GPAT4: variants seen among roughly 807,000 people sequenced by gnomAD.
The protein encoded by GPAT4 is glycerol-3-phosphate acyltransferase 4.
Under a neutral mutation model 58.0 loss-of-function variants are expected in GPAT4, and 17 were observed. The observed-to-expected ratio is 0.29, with a 90% confidence interval of 0.20 to 0.44. GPAT4 has a LOEUF of 0.44. Ranked by LOEUF, GPAT4 falls within the 20% of genes least tolerant of loss-of-function variation. The probability of loss-of-function intolerance (pLI) is 1.00; values close to 1 mark genes in which losing one functional copy is unlikely to be tolerated. For synonymous variants in GPAT4, 204 were observed against 210.1 expected (o/e 0.97, Z 0.25); for missense variants, 377 against 574.5 (o/e 0.66, Z 3.51).
rs201982831 is a variant in GPAT4 at position 41,599,165 on chromosome 8, G to A, written c.26G>A (p.Ser9Asn). ...ATGTTCCTGTTGCTGCCTTTTGATA[G>A]CCTGATTGTCAACCTTCTGGGCATC... MFLLLPFD[S>N]LIVNLLGISL... Residue 9 changes from serine to asparagine, a missense_variant, in exon 2 of 13, where the codon AGC becomes AAC. Physicochemically the swap from Ser to Asn is conservative, Grantham distance 46 (BLOSUM62 1). Coordinates refer to ENST00000396987, the MANE Select transcript of GPAT4 (RefSeq NM_178819.4). 508 of 1,612,436 alleles carry A rather than the reference G, an allele frequency of 3.2e-4. 3 individuals are homozygous for A. In the Admixed American group the frequency reaches 7.3e-3, roughly 23 times the overall value.
At chr8:41,616,001 C>CA (rs1803585528) in intron 10 of GPAT4, among the ~76,000 whole-genome samples, 1 of 152,076 alleles carries the variant, frequency 6.6e-6, no homozygotes, top group Non-Finnish European at 1.5e-5. Context: ...GCAGGGGACT[C>CA]TGATTGACAG....
At chr8:41,606,683 C>T (rs925183073) in intron 2 of GPAT4, among the ~76,000 whole-genome samples, 7 of 152,136 alleles carry the variant, frequency 4.6e-5, no homozygotes, top group African/African-American at 1.7e-4. Context: ...ACAGTGGGGG[C>T]TCCGAGCATG....
intron 1 of GPAT4, among the ~76,000 whole-genome samples, chr8:41,595,166 T>C (rs1802895660): frequency 6.6e-6 from 1 of 150,770 alleles, no homozygotes. Flanking sequence ...GTTTTTTTTT[T>C]TTTTTTTTTA....
intron 2 of GPAT4, among the ~76,000 whole-genome samples, chr8:41,606,587 AT>A (rs1251348928): frequency 6.6e-6 from 1 of 152,214 alleles, no homozygotes; most frequent in East Asian, 1.9e-4. Context: ...AGACGTACAA[AT>A]TTATTAATGT....
At chr8:41,603,743 G>A (rs984606594) in intron 2 of GPAT4, among the ~76,000 whole-genome samples, 1 of 152,028 alleles carries the variant, frequency 6.6e-6, no homozygotes, top group African/African-American at 2.4e-5. Flanking sequence ...CGTCTCTCAG[G>A]CCGCTTGCCC....
intron 2 of GPAT4, among the ~76,000 whole-genome samples, chr8:41,607,356 T>C (rs1049120154): frequency 9.5e-4 from 144 of 152,282 alleles, no homozygotes; most frequent in African/African-American, 3.3e-3. Context: ...AACTAGGAGA[T>C]GTAGAATCTC....
At chr8:41,616,803 G>A (rs1209479238) in intron 10 of GPAT4, among the ~76,000 whole-genome samples, 2 of 152,202 alleles carry the variant, frequency 1.3e-5, no homozygotes, top group African/African-American at 4.8e-5. Context: ...GTATGGCTAA[G>A]AACATCTGGT....
rs2150509585 is a variant in GPAT4 at position 41,621,086 on chromosome 8, T to G, written c.*85T>G. ...TGCCGCCGCCGCCCCCACTGCTGTG[T>G]CCTTTCCAGACTCCAGGGCTCCCCG... On this transcript the variant is annotated 3_prime_UTR_variant, in exon 13 of 13. Transcript: ENST00000396987. 1 of 1,522,362 alleles carries G rather than the reference T, an allele frequency of 6.6e-7. No homozygotes were observed. Among genetic ancestry groups the G allele is most frequent in the Non-Finnish European group, 8.9e-7 (1 of 1,128,938 alleles). 94.3% of individuals were successfully genotyped at this position (1,522,362 alleles called of 1,614,324 possible).
intron 1 of GPAT4, among the ~76,000 whole-genome samples, chr8:41,582,040 C>A: frequency 1.0e-5 from 1 of 98,420 alleles, no homozygotes; most frequent in Non-Finnish European, 1.9e-5. Flanking sequence ...ACTGAGTCTT[C>A]CTCTGTCGCC....
rs374092780 is a variant in GPAT4 at position 41,599,312 on chromosome 8, A to T, written c.165+8A>T. On this transcript the variant is annotated splice_region_variant and intron_variant, in intron 2 of 12. Transcript: ENST00000396987. ...CTGTTAAAAATCTTTGCGGTAAGTTATGCTGTTACAAAAGGTTGCTTCACA... is the reference window on the plus strand; with the variant it reads ...CTGTTAAAAATCTTTGCGGTAAGTTTTGCTGTTACAAAAGGTTGCTTCACA... 28 of 1,613,668 alleles carry T rather than the reference A, an allele frequency of 1.7e-5. No individual in the cohort carries two copies. The highest frequency in any genetic ancestry group is 2.2e-5 in the Non-Finnish European group (26 of 1,179,904).
intron 2 of GPAT4, among the ~76,000 whole-genome samples, chr8:41,603,882 G>GTCC (rs1294413362): frequency 7.6e-6 from 1 of 131,992 alleles, no homozygotes; most frequent in Non-Finnish European, 1.7e-5. Flanking sequence ...GAGGATTCCA[G>GTCC]TCCTCAGCTG....
At chr8:41,590,868 A>G (rs138715633) in intron 1 of GPAT4, among the ~76,000 whole-genome samples, 144 of 152,100 alleles carry the variant, frequency 9.5e-4, no homozygotes, top group African/African-American at 3.4e-3. Flanking sequence ...GTAAAATGCA[A>G]ATCATACAGA....
At chr8:41,606,222 T>A (rs1803266998) in intron 2 of GPAT4, among the ~76,000 whole-genome samples, 1 of 152,042 alleles carries the variant, frequency 6.6e-6, no homozygotes, top group Non-Finnish European at 1.5e-5. Context: ...GAAGTACGAG[T>A]CATGTGAGAC....
chr8:41,605,283 T>C (rs1341832508), intron 2 of GPAT4, among the ~76,000 whole-genome samples: 1 of 152,204 alleles, frequency 6.6e-6, no homozygotes, highest in Non-Finnish European at 1.5e-5. Context: ...AATGAATTAG[T>C]TGAAATACCA....
intron 1 of GPAT4, among the ~76,000 whole-genome samples, chr8:41,589,770 A>G (rs540604595): frequency 3.9e-5 from 6 of 152,296 alleles, no homozygotes; most frequent in African/African-American, 2.4e-5. Flanking sequence ...ATGGGGGTCA[A>G]AGTGACCCTG....
chr8:41,581,504 T>G (rs1261817767), intron 1 of GPAT4, among the ~76,000 whole-genome samples: 3 of 152,126 alleles, frequency 2.0e-5, no homozygotes, highest in Non-Finnish European at 2.9e-5. Flanking sequence ...CAGGCTGGAG[T>G]GCAGTGGCAT....
intron 1 of GPAT4, among the ~76,000 whole-genome samples, chr8:41,591,677 C>T (rs1032627024): frequency 6.6e-6 from 1 of 152,204 alleles, no homozygotes; most frequent in African/African-American, 2.4e-5. Flanking sequence ...GTTTTAAATC[C>T]TCCTAGCACT....
chr8:41,613,376 ACT>A (rs1803499297), intron 8 of GPAT4, among the ~76,000 whole-genome samples: 1 of 151,730 alleles, frequency 6.6e-6, no homozygotes, highest in Non-Finnish European at 1.5e-5. Flanking sequence ...ATAGAATGAG[ACT>A]CTGTCTTAAA....
At chr8:41,616,808 T>A (rs1486276460) in intron 10 of GPAT4, among the ~76,000 whole-genome samples, 2 of 152,224 alleles carry the variant, frequency 1.3e-5, no homozygotes, top group African/African-American at 2.4e-5. Context: ...GCTAAGAACA[T>A]CTGGTCTACA....
Sources: allele counts gnomAD v4.1 joint callset (sites outside exome capture counted in the v4.1 genomes callset), GRCh38; gene constraint gnomAD v4.1.1; transcripts MANE v1.5; gene names NCBI Gene and HGNC (gene_info 2026-07-23, HGNC 2026-07-21).